Variants in C19orf44 observed in about 807,000 individuals in gnomAD.
C19orf44 encodes chromosome 19 open reading frame 44.
In C19orf44, 43 loss-of-function variants were observed where a neutral mutation model predicts 50.7. The observed-to-expected ratio is 0.85, with a 90% CI of 0.66 to 1.09. The LOEUF (loss-of-function observed/expected upper bound fraction) is 1.09, where lower values mean the gene tolerates loss of function less well. C19orf44 is among the 50% of genes least tolerant of loss of function. The pLI, the probability that C19orf44 is intolerant of heterozygous loss-of-function variation, is 0.00. For missense variants in C19orf44, 722 were observed against 836.2 expected (o/e 0.86, Z 1.68); for synonymous variants, 298 against 334.7 (o/e 0.89, Z 1.20).
Position 16,509,499 on chromosome 19 carries a change from G to A in C19orf44, c.1150G>A (p.Glu384Lys). 1.3e-6 allele frequency: 2 copies of A among 1,533,730 alleles called. No homozygotes were observed. The highest frequency in any genetic ancestry group is 1.7e-6 in the Non-Finnish European group (2 of 1,143,910). Reference sequence around the variant, plus strand: ...CCACCTCTGCCATTCTTCATTTTAGGAGGAAAGTGCTCAGAGACAAAAAAC... The same window carrying A: ...CCACCTCTGCCATTCTTCATTTTAGAAGGAAAGTGCTCAGAGACAAAAAAC... Reference protein sequence around the residue: ...VSENSDLEQEEESAQRQKTAG... With the variant: ...VSENSDLEQEKESAQRQKTAG... Residue 384 changes from glutamate to lysine, a missense_variant and splice_region_variant, in exon 5 of 9, where the codon GAG (glutamate) becomes AAG (lysine). Physicochemically the swap from Glu to Lys is moderately conservative, Grantham distance 56. Transcript: ENST00000221671.
chr19:16,498,689 GA>G (rs2093416573), intron 1 of C19orf44, among the ~76,000 whole-genome samples: 1 of 139,782 alleles, frequency 7.2e-6, no homozygotes, highest in Non-Finnish European at 1.6e-5. Flanking sequence ...TTTTTTTTTT[GA>G]GACGGAGTCT....
intron 6 of C19orf44, 39 bp from the exon 7 acceptor site, chr19:16,514,458 G>C (rs752224225): frequency 1.3e-6 from 2 of 1,543,496 alleles, no homozygotes; most frequent in Admixed American, 3.7e-5. Context: ...AATTTGTGGG[G>C]CCCCAGCGAA....
chr19:16,511,015 C>T (rs1469243933), intron 5 of C19orf44, among the ~76,000 whole-genome samples: 2 of 151,664 alleles, frequency 1.3e-5, no homozygotes, highest in African/African-American at 2.4e-5. Context: ...GGATTACAGG[C>T]GTGAGCCACT....
chr19:16,520,713 ATAGGCACAGGCTG>A lies in C19orf44; in HGVS notation c.*662_*674del. The A allele has an allele frequency of 8.2e-7, 1 of 1,223,530 alleles. No individual in the cohort carries two copies. Among genetic ancestry groups the A allele is most frequent in the Non-Finnish European group, 1.2e-6 (1 of 837,950 alleles). 75.8% of individuals were successfully genotyped at this position (1,223,530 alleles called of 1,614,324 possible). A position where few individuals can be genotyped will look rare whatever the true frequency, so the allele number is the denominator to read the frequency against. Reference sequence around the variant, plus strand: ...CAGGCCTTGTGGAAAACACCGCCCCATAGGCACAGGCTGTGTGAGGGTGGACGTGATGAGTGTA... The same window carrying A: ...CAGGCCTTGTGGAAAACACCGCCCCATGTGAGGGTGGACGTGATGAGTGTA... On this transcript the variant is annotated 3_prime_UTR_variant, in exon 9 of 9. Coordinates refer to ENST00000221671, the MANE Select transcript of C19orf44 (RefSeq NM_032207.4). This position sits in a 1 kb window ranked among gnomAD's most constrained non-coding sequence, Gnocchi z 4.0.
Position 16,520,191 on chromosome 19 carries a change from G to GGGGAGTACGACTTGGACC in C19orf44, c.*143_*160dup, listed in dbSNP as rs774774210. 20 of 1,613,288 alleles carry GGGGAGTACGACTTGGACC rather than the reference G, an allele frequency of 1.2e-5. No individual in the cohort carries two copies. Among genetic ancestry groups the GGGGAGTACGACTTGGACC allele is most frequent in the Non-Finnish European group, 1.7e-5 (20 of 1,180,028 alleles). ...GGACCGTGACCGGCGTCTTCTTCCT[G>GGGGAGTACGACTTGGACC]GGGAGTACGACTTGGACCGGGACCG... is the stretch of plus-strand genomic sequence containing the variant. On this transcript the variant is annotated 3_prime_UTR_variant, in exon 9 of 9. Coordinates refer to ENST00000221671, the MANE Select transcript of C19orf44 (RefSeq NM_032207.4). This position sits in a 1 kb window ranked among gnomAD's most constrained non-coding sequence, Gnocchi z 4.0.
intron 8 of C19orf44, chr19:16,518,838 A>T: frequency 2.9e-6 from 1 of 349,146 alleles, no homozygotes; most frequent in Admixed American, 4.8e-5. Flanking sequence ...GGGCAGATGC[A>T]CATCCATCCC....
intron 5 of C19orf44, among the ~76,000 whole-genome samples, chr19:16,510,391 ACT>A (rs1489892675): frequency 6.6e-6 from 1 of 151,186 alleles, no homozygotes; most frequent in East Asian, 1.9e-4. Flanking sequence ...ACAGAATGAG[ACT>A]CTGTCTCAAA....
chr19:16,521,093 C>A lies in C19orf44; in HGVS notation c.*1040C>A. On this transcript the variant is annotated 3_prime_UTR_variant, in exon 9 of 9. Transcript: ENST00000221671. Reference sequence around the variant, plus strand: ...TCCCACAGGGCTGTCCTCCTGCAGCCCAGTGGCTCCTCTGGTGCCCACGCC... The same window carrying A: ...TCCCACAGGGCTGTCCTCCTGCAGCACAGTGGCTCCTCTGGTGCCCACGCC... 1.6e-6 allele frequency: 1 copy of A among 632,186 alleles called. No individual in the cohort carries two copies. The highest frequency in any genetic ancestry group is 2.9e-6 in the Non-Finnish European group (1 of 350,548). 39.2% of individuals were successfully genotyped at this position (632,186 alleles called of 1,614,324 possible).
intron 2 of C19orf44, among the ~76,000 whole-genome samples, chr19:16,502,516 C>T (rs189213269): frequency 6.4e-4 from 97 of 151,942 alleles, no homozygotes; most frequent in African/African-American, 2.2e-3. Context: ...GATTTACAGG[C>T]GTGAGCCACC....
Position 16,521,185 on chromosome 19 carries a change from A to G in C19orf44, c.*1132A>G. On this transcript the variant is annotated 3_prime_UTR_variant, in exon 9 of 9. Coordinates refer to ENST00000221671, the MANE Select transcript of C19orf44 (RefSeq NM_032207.4). Reference sequence around the variant, plus strand: ...GTCTGTGGAACTGGGAAACAGGAACACTGACTCATGGGTGGACAGGCCTGC... The same window carrying G: ...GTCTGTGGAACTGGGAAACAGGAACGCTGACTCATGGGTGGACAGGCCTGC... 1.7e-6 allele frequency: 1 copy of G among 582,888 alleles called. No individual in the cohort carries two copies. The highest frequency in any genetic ancestry group is 2.9e-5 in the East Asian group (1 of 35,010). 36.1% of individuals were successfully genotyped at this position (582,888 alleles called of 1,614,324 possible). A position where few individuals can be genotyped will look rare whatever the true frequency, so the allele number is the denominator to read the frequency against.
rs767633072 is a variant in C19orf44, at chr19:16,500,973, CACTT to C, written c.185_188del (p.Leu62SerfsTer2). 1.7e-5 allele frequency: 28 copies of C among 1,613,568 alleles called. No homozygotes were observed. Among genetic ancestry groups the C allele is most frequent in the Non-Finnish European group, 2.3e-5 (27 of 1,179,892 alleles). ...AAGAAACCAAACTCTAGATGAGAAA[CACTT>C]ACTCCTGAAAGAGAACCCTGTGCTC... On this transcript the variant is annotated frameshift_variant, in exon 2 of 9. Coordinates refer to ENST00000221671, the MANE Select transcript of C19orf44 (RefSeq NM_032207.4). LOFTEE classifies it high-confidence loss of function.
In C19orf44 at chr19:16,520,177, G is replaced by C. The variant is rs764135563; in HGVS notation, c.*124G>C. On this transcript the variant is annotated 3_prime_UTR_variant, in exon 9 of 9. Coordinates refer to ENST00000221671, the MANE Select transcript of C19orf44 (RefSeq NM_032207.4). The surrounding 1 kb of genome is among the most constrained non-coding windows in gnomAD (Gnocchi z 4.0). ...GGGGTGGGGCTCCTGGACCGTGACCGGCGTCTTCTTCCTGGGGAGTACGAC... is the reference window on the plus strand; with the variant it reads ...GGGGTGGGGCTCCTGGACCGTGACCCGCGTCTTCTTCCTGGGGAGTACGAC... The C allele has an allele frequency of 2.5e-6, 4 of 1,612,674 alleles. No homozygotes were observed. In the African/African-American group the frequency reaches 5.3e-5, roughly 22 times the overall value.
In C19orf44 at chr19:16,519,852, C is replaced by G; in HGVS notation, c.*41-242C>G. The G allele has an allele frequency of 1.2e-6, 1 of 808,204 alleles. No individual in the cohort carries two copies. Among genetic ancestry groups the G allele is most frequent in the Non-Finnish European group, 2.1e-6 (1 of 474,436 alleles). The allele number at this position is 808,204 out of a possible 1,614,324, so 50.1% of individuals were successfully genotyped here. The stretch of plus-strand genomic sequence containing the variant: ...GACACCGTATGCAGATTTTGCGTCT[C>G]TACCCGTTTATCCTGTCTCAGCTAG... On this transcript the variant is annotated intron_variant, in intron 8 of 8. Transcript: ENST00000221671. This position sits in a 1 kb window ranked among gnomAD's most constrained non-coding sequence, Gnocchi z 6.0.
At chr19:16,518,476 A>G (rs1395224439) in intron 8 of C19orf44, 1 of 152,216 alleles carries the variant, frequency 6.6e-6, no homozygotes, top group East Asian at 1.9e-4. Context: ...TTATACAACT[A>G]AAATAACTGA....
Position 16,501,557 on chromosome 19 carries a change from A to T in C19orf44, c.759+6A>T. The stretch of plus-strand genomic sequence containing the variant: ...AAGAAAGAAAACTATTTTCGGTGAG[A>T]TTTTTTTTTTTTGGTAAATTTATTT... On this transcript the variant is annotated splice_donor_region_variant and intron_variant, in intron 2 of 8. Transcript: ENST00000221671. 12 of 1,198,172 alleles carry T rather than the reference A, an allele frequency of 1.0e-5. No homozygotes were observed. The highest frequency in any genetic ancestry group is 3.1e-5 in the Admixed American group (1 of 32,618). 74.2% of individuals were successfully genotyped at this position (1,198,172 alleles called of 1,614,324 possible). A position where few individuals can be genotyped will look rare whatever the true frequency, so the allele number is the denominator to read the frequency against.
intron 3 of C19orf44, among the ~76,000 whole-genome samples, chr19:16,506,027 G>A (rs933871580): frequency 6.6e-6 from 1 of 151,388 alleles, no homozygotes; most frequent in African/African-American, 2.4e-5. Flanking sequence ...GCTCCAGGCT[G>A]GAGTGCAGTG....
intron 5 of C19orf44, among the ~76,000 whole-genome samples, chr19:16,512,283 A>C (rs2093459659): frequency 6.6e-6 from 1 of 152,098 alleles, no homozygotes; most frequent in Non-Finnish European, 1.5e-5. Context: ...GGATGCTTTC[A>C]TGAAACACTG....
chr19:16,505,168 C>CAAAGTGCTGG (rs998197367), intron 3 of C19orf44, among the ~76,000 whole-genome samples: 35 of 151,786 alleles, frequency 2.3e-4, no homozygotes, highest in African/African-American at 8.0e-4. Flanking sequence ...CTCAGCCTCC[C>CAAAGTGCTGG]AAAGTGCTGG....
chr19:16,497,407 A>G (rs2093412716), intron 1 of C19orf44, among the ~76,000 whole-genome samples: 1 of 135,280 alleles, frequency 7.4e-6, no homozygotes, highest in Admixed American at 8.7e-5. Context: ...CTGAAGTGCA[A>G]TGGTGCGATC....
Sources: gnomAD v4.1 joint callset for allele counts (sites outside exome capture counted in the v4.1 genomes callset) on GRCh38, gnomAD v4.1.1 for gene constraint, Gnocchi (gnomAD v3.1) non-coding constraint, MANE v1.5 for transcripts, NCBI Gene and HGNC (gene_info 2026-07-23, HGNC 2026-07-21) for gene names.